Variants in GDPD5 observed in about 807,000 individuals in gnomAD.
GDPD5 encodes glycerophosphodiester phosphodiesterase 2.
Under a neutral mutation model 75.1 loss-of-function variants are expected in GDPD5, and 48 were observed. That is an observed-to-expected ratio of 0.64 (90% confidence interval 0.51 to 0.81). GDPD5 has a LOEUF of 0.81. Among genes scored for constraint, GDPD5 ranks in the 40% least tolerant of loss-of-function variants. The pLI is 0.00. For synonymous variants in GDPD5, 336 were observed against 339.0 expected, an observed-to-expected ratio of 0.99 and a Z score of 0.10; for missense variants, 706 against 822.6, an observed-to-expected ratio of 0.86 and a Z score of 1.73.
At chr11:75,503,893 C>T (rs1297171030) in intron 1 of GDPD5, among the ~76,000 whole-genome samples, 1 of 152,212 alleles carries the variant, frequency 6.6e-6, no homozygotes, top group South Asian at 2.1e-4. Context: ...CTCCCCCAGC[C>T]CTGAATGCTG....
intron 6 of GDPD5, among the ~76,000 whole-genome samples, chr11:75,455,769 C>A (rs910263284): frequency 3.9e-5 from 6 of 152,198 alleles, no homozygotes; most frequent in African/African-American, 1.4e-4. Flanking sequence ...CCACTCTGTG[C>A]CCACCAGGGC....
intron 2 of GDPD5, among the ~76,000 whole-genome samples, chr11:75,484,204 C>T (rs938478458): frequency 5.9e-5 from 9 of 152,160 alleles, no homozygotes; most frequent in Middle Eastern, 3.4e-3. Flanking sequence ...TCCAACCCTC[C>T]CACAAAAAAA....
At chr11:75,468,727 C>T (rs1418663566) in intron 3 of GDPD5, among the ~76,000 whole-genome samples, 1 of 152,134 alleles carries the variant, frequency 6.6e-6, no homozygotes, top group Non-Finnish European at 1.5e-5. Flanking sequence ...CCACTGCTCC[C>T]CTGCAGCTGG....
chr11:75,456,626 G>A, intron 6 of GDPD5, 131 bp downstream of exon 6: 1 of 822,494 alleles, frequency 1.2e-6, no homozygotes, highest in Non-Finnish European at 2.0e-6. Context: ...CATAGTGAGT[G>A]CTCAGCCTTA....
At chr11:75,504,452 GAATGTGGTCTAGCCACAC>G (rs1950354817) in intron 1 of GDPD5, among the ~76,000 whole-genome samples, 1 of 152,220 alleles carries the variant, frequency 6.6e-6, no homozygotes, top group Admixed American at 6.5e-5. Context: ...CGGACAGACA[GAATGTGGTCTAGCCACAC>G]AATGGAGCAG....
At chr11:75,510,695 C>A (rs904357694) in intron 1 of GDPD5, among the ~76,000 whole-genome samples, 2 of 143,206 alleles carry the variant, frequency 1.4e-5, no homozygotes, top group African/African-American at 2.5e-5. Flanking sequence ...CACTTAAGTG[C>A]CCCCCAACCC....
intron 6 of GDPD5, chr11:75,451,376 G>T (rs1312149594): frequency 6.6e-6 from 1 of 152,282 alleles, no homozygotes; most frequent in African/African-American, 2.4e-5. Context: ...GGTTGGTTCC[G>T]CGGAGGCACG....
At position 75,456,816 on chromosome 11, in the gene GDPD5, C is replaced by T. The variant is rs772342855; in HGVS notation, c.316G>A (p.Val106Ile). 1 of 1,614,074 alleles carries T rather than the reference C, an allele frequency of 6.2e-7. No homozygotes were observed. The highest frequency in any genetic ancestry group is 1.3e-5 in the African/African-American group (1 of 74,956). The change falls in exon 6 of 17, where the codon GTC (valine) becomes ATC (isoleucine). Residue 106 changes from valine (V) to isoleucine (I), a missense_variant and splice_region_variant. By Grantham distance (29) the Val-to-Ile change is conservative (BLOSUM62 3). Transcript: ENST00000336898. ...AAFAYIAGLL[V>I]LALCHIAVGQ... Reference sequence around the variant, plus strand: ...ACGGCAATGTGACATAGTGCCAGGACCTGAGGAGGGACCCACAGGGTGATT... The same window carrying T: ...ACGGCAATGTGACATAGTGCCAGGATCTGAGGAGGGACCCACAGGGTGATT...
At chr11:75,436,910 C>T (rs759861566) in intron 16 of GDPD5, 26 bp downstream of exon 16, 1 of 1,567,060 alleles carries the variant, frequency 6.4e-7, no homozygotes, top group Non-Finnish European at 8.8e-7. Flanking sequence ...CAGGGCCTGC[C>T]TCCACCTGTC....
intron 15 of GDPD5, 98 bp downstream of exon 15, chr11:75,439,781 T>C: frequency 1.0e-6 from 1 of 989,904 alleles, no homozygotes. Context: ...TGCTCCTGGC[T>C]GAGGCCCAGG....
chr11:75,442,357 C>T lies in GDPD5; in HGVS notation c.1167+6G>A, dbSNP rs775118711. 6.5e-7 allele frequency: 1 copy of T among 1,546,932 alleles called. No homozygotes were observed. The stretch of plus-strand genomic sequence containing the variant: ...CCGGGGGCAGAGCTGCGTTGCAGGG[C>T]CTCACCTGGTGCTGGGGGAAGCCGG... On this transcript the variant is annotated splice_donor_region_variant and intron_variant, in intron 12 of 16. Transcript: ENST00000336898.
chr11:75,470,459 A>AT (rs1331236763), intron 3 of GDPD5, among the ~76,000 whole-genome samples: 21 of 152,288 alleles, frequency 1.4e-4, no homozygotes, highest in Admixed American at 8.5e-4. Context: ...AATATCATAT[A>AT]TTTAAGTAAT....
chr11:75,515,337 C>T (rs1457499539), intron 1 of GDPD5, among the ~76,000 whole-genome samples: 3 of 152,238 alleles, frequency 2.0e-5, no homozygotes, highest in Non-Finnish European at 4.4e-5. Flanking sequence ...ACCATGCCTC[C>T]TCTTGGGCAA....
chr11:75,447,375 A>G (rs887977455), intron 9 of GDPD5, among the ~76,000 whole-genome samples: 1 of 152,194 alleles, frequency 6.6e-6, no homozygotes, highest in Non-Finnish European at 1.5e-5. Flanking sequence ...GCTGGGTGTA[A>G]TAACAGCATT....
At chr11:75,463,857 G>A (rs1565196164) in intron 3 of GDPD5, among the ~76,000 whole-genome samples, 1 of 152,204 alleles carries the variant, frequency 6.6e-6, no homozygotes, top group Non-Finnish European at 1.5e-5. Context: ...AAGGGCCACT[G>A]CCTCTGGGCT....
Position 75,442,394 on chromosome 11 carries a change from G to A in GDPD5, c.1136C>T (p.Ala379Val). 1 of 1,582,228 alleles carries A rather than the reference G, an allele frequency of 6.3e-7. No individual in the cohort carries two copies. Among genetic ancestry groups the A allele is most frequent in the Non-Finnish European group, 8.6e-7 (1 of 1,164,584 alleles). Residue 379 changes from alanine (A) to valine (V), a missense_variant, in exon 12 of 17, where the codon GCC (alanine) becomes GTC (valine). By Grantham distance (64) the Ala-to-Val change is moderately conservative (BLOSUM62 0). Coordinates refer to ENST00000336898, the MANE Select transcript of GDPD5 (RefSeq NM_030792.8). The part of the protein sequence containing the change: ...RSSFINVTLE[A>V]VLHSGFPQHQ... Reference sequence around the variant, plus strand: ...CTGGGGGAAGCCGGAGTGCAGCACGGCCTCCAGAGTCACGTTGATAAAACT... The same window carrying A: ...CTGGGGGAAGCCGGAGTGCAGCACGACCTCCAGAGTCACGTTGATAAAACT...
chr11:75,442,662 G>A, intron 11 of GDPD5, 81 bp from the exon 12 acceptor site: 1 of 1,268,486 alleles, frequency 7.9e-7, no homozygotes, highest in Non-Finnish European at 1.1e-6. Context: ...AACCAAGCGT[G>A]GAGACCCCTG....
At chr11:75,475,179 C>T (rs757545338) in intron 3 of GDPD5, among the ~76,000 whole-genome samples, 6 of 152,232 alleles carry the variant, frequency 3.9e-5, no homozygotes, top group Non-Finnish European at 8.8e-5. Flanking sequence ...TAAAATGCCT[C>T]GTGACTCTCC....
intron 1 of GDPD5, among the ~76,000 whole-genome samples, chr11:75,524,756 C>A (rs1435315296): frequency 6.6e-6 from 1 of 152,210 alleles, no homozygotes; most frequent in African/African-American, 2.4e-5. Context: ...CCCACCTCTA[C>A]CCTCAACTCT....
Sources: gnomAD v4.1 joint callset for allele counts (sites outside exome capture counted in the v4.1 genomes callset) on GRCh38, gnomAD v4.1.1 for gene constraint, MANE v1.5 for transcripts, NCBI Gene and HGNC (gene_info 2026-07-23, HGNC 2026-07-21) for gene names.